TSHR: variants seen among roughly 807,000 people sequenced by gnomAD.
TSHR encodes thyroid stimulating hormone receptor.
A neutral mutation model predicts 64.1 loss-of-function variants in TSHR; 51 were observed. The ratio of observed to expected loss-of-function variants is 0.80; its 90% CI spans 0.64 to 1.01. The LOEUF (loss-of-function observed/expected upper bound fraction) is 1.01. TSHR is among the 50% of genes least tolerant of loss of function. The pLI, the probability that TSHR is intolerant of heterozygous loss-of-function variation, is 0.00. For synonymous variants in TSHR, 361 were observed against 361.9 expected (o/e 1.00, Z 0.03); for missense variants, 877 against 942.8 (o/e 0.93, Z 0.91).
chr14:81,061,527 G>T lies in TSHR; in HGVS notation c.171-621G>T, dbSNP rs182236380. Among the ~76,000 whole-genome samples, 8 of 152,118 alleles carry T rather than the reference G, an allele frequency of 5.3e-5. No homozygotes were observed. The East Asian group carries it at 1.2e-3, about 22-fold the overall frequency. ...ATGGAGCTGGAGGCCATTATCCTCC[G>T]CAAACTAACAGAGGAACAGAAAACA... is the stretch of plus-strand genomic sequence containing the variant. On this transcript the variant is annotated intron_variant, in intron 1 of 9. Transcript: ENST00000298171.
At chr14:81,002,804 TTTTATC>T (rs1889404098) in intron 1 of TSHR, among the ~76,000 whole-genome samples, 2 of 30,686 alleles carry the variant, frequency 6.5e-5, no homozygotes, top group Non-Finnish European at 1.9e-4. Flanking sequence ...TTTTTTTTTT[TTTTATC>T]TTTTTTTTTT....
intron 1 of TSHR, among the ~76,000 whole-genome samples, chr14:80,965,160 A>G (rs1887238116): frequency 6.6e-6 from 1 of 152,192 alleles, no homozygotes; most frequent in African/African-American, 2.4e-5. Context: ...TCATGGGTTC[A>G]TATTGTTACT....
In TSHR at chr14:81,142,957, T is replaced by C; in HGVS notation, c.899T>C (p.Met300Thr). The change falls in exon 10 of 10, where the codon ATG (methionine) becomes ACG (threonine). Residue 300 changes from methionine to threonine, a missense_variant. Physicochemically the swap from Met to Thr is moderately conservative, Grantham distance 81 (BLOSUM62 -1). Coordinates refer to ENST00000298171, the MANE Select transcript of TSHR (RefSeq NM_000369.5). ...CCTTGCAGAATCCTTGAGTCCTTGA[T>C]GTGTAATGAGAGCAGTATGCAGAGC... ...KKIRGILESL[M>T]CNESSMQSLR... 1 of 1,614,180 alleles carries C rather than the reference T, an allele frequency of 6.2e-7. No homozygotes were observed. Among genetic ancestry groups the C allele is most frequent in the Non-Finnish European group, 8.5e-7 (1 of 1,180,034 alleles).
At chr14:81,113,681 A>C (rs1224810338) in intron 8 of TSHR, among the ~76,000 whole-genome samples, 1 of 151,214 alleles carries the variant, frequency 6.6e-6, no homozygotes, top group Admixed American at 6.5e-5. Flanking sequence ...CATGTGAGTA[A>C]ATGATGAATG....
intron 1 of TSHR, among the ~76,000 whole-genome samples, chr14:80,990,317 T>C (rs1174281452): frequency 4.6e-5 from 7 of 152,242 alleles, no homozygotes; most frequent in Non-Finnish European, 8.8e-5. Flanking sequence ...TGTATGGACC[T>C]ATGCCTTGGG....
At chr14:81,029,619 T>A (rs1412967748) in intron 1 of TSHR, among the ~76,000 whole-genome samples, 1 of 152,216 alleles carries the variant, frequency 6.6e-6, no homozygotes, top group Admixed American at 6.5e-5. Flanking sequence ...GCTTACTTTA[T>A]GGAAATAAAA....
At chr14:80,988,039 C>G (rs1888555823) in intron 1 of TSHR, among the ~76,000 whole-genome samples, 1 of 152,250 alleles carries the variant, frequency 6.6e-6, no homozygotes, top group African/African-American at 2.4e-5. Flanking sequence ...AAATTCTCAC[C>G]TTTTAGGTCT....
At chr14:80,985,119 G>A (rs1461941940) in intron 1 of TSHR, among the ~76,000 whole-genome samples, 3 of 152,082 alleles carry the variant, frequency 2.0e-5, no homozygotes, top group Non-Finnish European at 2.9e-5. Flanking sequence ...GTGTGGTGGC[G>A]GGCGCCTGTA....
chr14:80,987,441 A>G (rs1402498044), intron 1 of TSHR, among the ~76,000 whole-genome samples: 1 of 152,204 alleles, frequency 6.6e-6, no homozygotes, highest in Non-Finnish European at 1.5e-5. Context: ...TACATTAATT[A>G]TGTTTTAAGC....
intron 3 of TSHR, among the ~76,000 whole-genome samples, chr14:81,073,771 T>C (rs1197409956): frequency 2.0e-5 from 3 of 152,128 alleles, no homozygotes; most frequent in Non-Finnish European, 4.4e-5. Context: ...AAGAAGTTTA[T>C]ATAATAGAGC....
intron 1 of TSHR, chr14:80,983,304 G>T (rs1888267702): frequency 9.7e-6 from 11 of 1,137,054 alleles, no homozygotes; most frequent in Middle Eastern, 2.3e-4. Flanking sequence ...TACTGATTTT[G>T]TCCATCACTA....
At chr14:81,019,648 C>T (rs1042091827) in intron 1 of TSHR, among the ~76,000 whole-genome samples, 51 of 151,732 alleles carry the variant, frequency 3.4e-4, no homozygotes, top group African/African-American at 1.2e-3. Flanking sequence ...TGTGATGTTC[C>T]CCTCCCTGTG....
rs1005330453 is a variant in TSHR at position 81,103,059 on chromosome 14, T to C, written c.615-5316T>C. The C allele has an allele frequency of 3.0e-6, 3 of 985,284 alleles. No individual in the cohort carries two copies. The highest frequency in any genetic ancestry group is 3.6e-6 in the Non-Finnish European group (3 of 829,938). The allele number at this position is 985,284 out of a possible 1,614,324, so 61.0% of individuals were successfully genotyped here. The stretch of plus-strand genomic sequence containing the variant: ...TCTTTCCTAGATTTAAGCACTTCAG[T>C]AAAAGGTATCATGTAAATCCAGTGT... On this transcript the variant is annotated intron_variant, in intron 7 of 9. Coordinates refer to ENST00000298171, the MANE Select transcript of TSHR (RefSeq NM_000369.5). The surrounding 1 kb of genome is among the most constrained non-coding windows in gnomAD (Gnocchi z 4.1).
At chr14:81,051,782 T>C (rs570173030) in intron 1 of TSHR, 2 of 152,282 alleles carry the variant, frequency 1.3e-5, no homozygotes, top group East Asian at 3.9e-4. Context: ...ATTTCCCTGT[T>C]GAGTAGTGAT....
intron 1 of TSHR, among the ~76,000 whole-genome samples, chr14:80,973,691 G>A (rs1292847306): frequency 6.6e-6 from 1 of 152,130 alleles, no homozygotes; most frequent in Non-Finnish European, 1.5e-5. Context: ...TTATAAGGAA[G>A]CTGAAGAACA....
chr14:81,108,126 G>C (rs113381839), intron 7 of TSHR, among the ~76,000 whole-genome samples: 3 of 152,082 alleles, frequency 2.0e-5, no homozygotes, highest in African/African-American at 7.2e-5. Context: ...AAGAAATTTA[G>C]GTATGCAAAC....
intron 8 of TSHR, among the ~76,000 whole-genome samples, chr14:81,118,675 T>C (rs1257515878): frequency 2.0e-5 from 3 of 152,188 alleles, no homozygotes; most frequent in African/African-American, 7.2e-5. Flanking sequence ...GGAAAAAAAC[T>C]ACTTAAAAGT....
intron 3 of TSHR, among the ~76,000 whole-genome samples, chr14:81,072,456 C>A (rs975904457): frequency 6.6e-6 from 1 of 152,026 alleles, no homozygotes; most frequent in Non-Finnish European, 1.5e-5. Flanking sequence ...ACTCACAGGG[C>A]AGCTACTAAA....
At chr14:81,096,516 T>G in intron 6 of TSHR, 123 bp from the exon 7 acceptor site, 1 of 897,130 alleles carries the variant, frequency 1.1e-6, no homozygotes, top group South Asian at 1.4e-5. Context: ...GGGATACATA[T>G]GTGGGACCTG....
Sources: gnomAD v4.1 joint callset for allele counts (sites outside exome capture counted in the v4.1 genomes callset) on GRCh38, gnomAD v4.1.1 for gene constraint, Gnocchi (gnomAD v3.1) non-coding constraint, MANE v1.5 for transcripts, NCBI Gene and HGNC (gene_info 2026-07-23, HGNC 2026-07-21) for gene names.